The following PTPRG variants were observed in gnomAD, a reference collection of about 807,000 sequenced individuals.
PTPRG encodes receptor-type tyrosine-protein phosphatase gamma.
Under a neutral mutation model 165.3 loss-of-function variants are expected in PTPRG, and 102 were observed. The ratio of observed to expected loss-of-function variants is 0.62; its 90% confidence interval spans 0.53 to 0.73. PTPRG has a LOEUF of 0.73. Among genes scored for constraint, PTPRG ranks in the 30% least tolerant of loss-of-function variants. The probability of loss-of-function intolerance (pLI) is 0.00; values close to 1 mark genes in which losing one functional copy is unlikely to be tolerated. For synonymous variants in PTPRG, 675 were observed against 669.5 expected (o/e 1.01, Z -0.13); for missense variants, 1,866 against 1,861.4 (o/e 1.00, Z -0.05).
Position 61,890,265 on chromosome 3 carries a change from T to C in PTPRG, c.191-99360T>C, listed in dbSNP as rs377342809. ...GCCAGATTTAACTAAAGTAACAATT[T>C]AGTGAAGGATGTTGTCATTCATTCT... On this transcript the variant is annotated intron_variant, in intron 2 of 29. Coordinates refer to ENST00000474889, the MANE Select transcript of PTPRG (RefSeq NM_002841.4). Among the ~76,000 whole-genome samples the C allele has an allele frequency of 1.0e-3, 159 of 152,300 alleles. 7 individuals are homozygous for C. In the South Asian group the frequency reaches 0.031, roughly 30 times the overall value.
chr3:62,005,526 T>C (rs1463723800), intron 4 of PTPRG, among the ~76,000 whole-genome samples: 1 of 152,070 alleles, frequency 6.6e-6, no homozygotes, highest in East Asian at 1.9e-4. Context: ...AGACCTGTCC[T>C]GAAAGTTTAA....
intron 8 of PTPRG, among the ~76,000 whole-genome samples, chr3:62,178,530 A>G (rs1705523730): frequency 6.6e-6 from 1 of 152,178 alleles, no homozygotes; most frequent in African/African-American, 2.4e-5. Context: ...CTTGGATGGA[A>G]GCGTACATTT....
chr3:61,974,445 C>T lies in PTPRG; in HGVS notation c.191-15180C>T, dbSNP rs369841852. Among the ~76,000 whole-genome samples, 720 of 151,970 alleles carry T rather than the reference C, an allele frequency of 4.7e-3. 8 individuals are homozygous for T. The highest frequency in any genetic ancestry group is 0.014 in the African/African-American group (577 of 41,436). ...GCTGGTTCCTGTAATCCCAGCTACTCGGGAGGCTGAGGCAGGAGAATCACT... is the reference window on the plus strand; with the variant it reads ...GCTGGTTCCTGTAATCCCAGCTACTTGGGAGGCTGAGGCAGGAGAATCACT... On this transcript the variant is annotated intron_variant, in intron 2 of 29. Coordinates refer to ENST00000474889, the MANE Select transcript of PTPRG (RefSeq NM_002841.4).
chr3:62,225,945 C>T lies in PTPRG; in HGVS notation c.2289-5280C>T, dbSNP rs544014590. On this transcript the variant is annotated intron_variant, in intron 13 of 29. Coordinates refer to ENST00000474889, the MANE Select transcript of PTPRG (RefSeq NM_002841.4). ...CTGGGATTACAGGTGTCAGCCACCA[C>T]GCCTGGCCAAGCAAAGAACCTTTTA... Among the ~76,000 whole-genome samples the T allele has an allele frequency of 2.6e-5, 4 of 152,286 alleles. No homozygotes were observed. The South Asian group carries it at 6.2e-4, about 24-fold the overall frequency.
At position 61,895,435 on chromosome 3, in the gene PTPRG, C is replaced by T. The variant is rs145384065; in HGVS notation, c.191-94190C>T. 2.8e-3 allele frequency among the ~76,000 whole-genome samples: 420 copies of T among 152,264 alleles called. 1 individual carries two copies. Among genetic ancestry groups the T allele is most frequent in the African/African-American group, 9.5e-3 (395 of 41,560 alleles). ...TTTTTTCTTAGATCTGCTGGCCTAT[C>T]TTGCTAGTGATTAAGTTTACAGTTC... On this transcript the variant is annotated intron_variant, in intron 2 of 29. Coordinates refer to ENST00000474889, the MANE Select transcript of PTPRG (RefSeq NM_002841.4).
At chr3:61,846,818 G>A (rs1172712657) in intron 2 of PTPRG, among the ~76,000 whole-genome samples, 5 of 152,170 alleles carry the variant, frequency 3.3e-5, no homozygotes, top group African/African-American at 1.2e-4. Flanking sequence ...AGGAAGCTGA[G>A]GTTGGAGGAT....
intron 5 of PTPRG, among the ~76,000 whole-genome samples, chr3:62,122,586 G>A (rs1405339080): frequency 6.6e-6 from 1 of 152,170 alleles, no homozygotes; most frequent in South Asian, 2.1e-4. Flanking sequence ...TTGTTCAGTG[G>A]CACCTTTCAC....
intron 1 of PTPRG, among the ~76,000 whole-genome samples, chr3:61,716,289 T>G (rs1343218982): frequency 6.6e-6 from 1 of 152,180 alleles, no homozygotes; most frequent in Non-Finnish European, 1.5e-5. Context: ...TCATGAATAA[T>G]TTACCCATAG....
At chr3:61,620,711 C>G (rs1373449526) in intron 1 of PTPRG, among the ~76,000 whole-genome samples, 6 of 152,000 alleles carry the variant, frequency 3.9e-5, no homozygotes, top group African/African-American at 1.5e-4. Flanking sequence ...TCACTGCAAC[C>G]TCCGCCTCCC....
chr3:61,726,683 T>G (rs777991564), intron 1 of PTPRG, among the ~76,000 whole-genome samples: 3 of 152,206 alleles, frequency 2.0e-5, no homozygotes, highest in Admixed American at 6.5e-5. Context: ...TATTTTTGCA[T>G]CCCTAGAAAT....
At chr3:61,625,951 G>A (rs528585552) in intron 1 of PTPRG, among the ~76,000 whole-genome samples, 1 of 151,842 alleles carries the variant, frequency 6.6e-6, no homozygotes, top group African/African-American at 2.4e-5. Context: ...TACCTCCTGA[G>A]CAAAGCAGAG....
chr3:62,127,588 C>T (rs768149935), intron 5 of PTPRG, among the ~76,000 whole-genome samples: 11 of 152,132 alleles, frequency 7.2e-5, no homozygotes, highest in Non-Finnish European at 1.3e-4. Context: ...ATCCTTTTTT[C>T]CCACAAGAGG....
At chr3:61,891,715 G>C (rs1485330628) in intron 2 of PTPRG, among the ~76,000 whole-genome samples, 1 of 152,160 alleles carries the variant, frequency 6.6e-6, no homozygotes, top group Admixed American at 6.5e-5. Context: ...CTAAAGAGAG[G>C]CAAAGTGTTT....
chr3:61,960,149 T>C (rs1016992551), intron 2 of PTPRG, among the ~76,000 whole-genome samples: 6 of 152,156 alleles, frequency 3.9e-5, no homozygotes, highest in African/African-American at 1.4e-4. Flanking sequence ...CAAGTTTGTG[T>C]TAGTTTACTT....
At chr3:61,729,999 A>C (rs1016771947) in intron 1 of PTPRG, among the ~76,000 whole-genome samples, 14 of 152,196 alleles carry the variant, frequency 9.2e-5, no homozygotes, top group Non-Finnish European at 1.8e-4. Flanking sequence ...GTGGTGGTTC[A>C]TTTCGTTTGC....
chr3:62,221,347 C>T (rs1171045158), intron 13 of PTPRG, among the ~76,000 whole-genome samples: 1 of 151,958 alleles, frequency 6.6e-6, no homozygotes, highest in African/African-American at 2.4e-5. Context: ...CCCAGTAGCA[C>T]AAAAAATGAG....
At chr3:61,673,133 G>C (rs4499590) in intron 1 of PTPRG, among the ~76,000 whole-genome samples, 7,839 of 152,116 alleles carry the variant, frequency 0.052, 448 homozygotes, top group African/African-American at 0.14. Context: ...CTGCACTCCA[G>C]CCTAGGCAAC....
In PTPRG at chr3:62,220,032, A is replaced by G. The variant is rs533681299; in HGVS notation, c.2288+1049A>G. On this transcript the variant is annotated intron_variant, in intron 13 of 29. Transcript: ENST00000474889. ...TACCTGAGCAAAGACCTAAAGGAGG[A>G]GGGAACCAAATGGGCTCCACCTGGG... Among the ~76,000 whole-genome samples, 379 of 152,324 alleles carry G rather than the reference A, an allele frequency of 2.5e-3. 3 individuals are homozygous for G. Among genetic ancestry groups the G allele is most frequent in the African/African-American group, 8.5e-3 (355 of 41,572 alleles).
Position 61,939,928 on chromosome 3 carries a change from C to CTTTTTT in PTPRG, c.191-49666_191-49661dup, listed in dbSNP as rs561334410. On this transcript the variant is annotated intron_variant, in intron 2 of 29. Transcript: ENST00000474889. The stretch of plus-strand genomic sequence containing the variant: ...TGTCTTGGCTTCCTTACTGACTTGT[C>CTTTTTT]TTTTTTTTTTTTTTTTTTTTTTTTT... 3.8e-4 allele frequency among the ~76,000 whole-genome samples: 15 copies of CTTTTTT among 39,142 alleles called. 3 individuals are homozygous for CTTTTTT. Among genetic ancestry groups the CTTTTTT allele is most frequent in the Non-Finnish European group, 5.1e-4 (11 of 21,766 alleles). 25.7% of individuals were successfully genotyped at this position (39,142 alleles called of 152,430 possible). A position where few individuals can be genotyped will look rare whatever the true frequency, so the allele number is the denominator to read the frequency against.
Sources: allele counts gnomAD v4.1 joint callset (sites outside exome capture counted in the v4.1 genomes callset), GRCh38; gene constraint gnomAD v4.1.1; transcripts MANE v1.5; gene names NCBI Gene and HGNC (gene_info 2026-07-23, HGNC 2026-07-21).